The following ITSN2 variants were observed in gnomAD, a reference collection of about 807,000 sequenced individuals.
ITSN2 encodes intersectin 2.
In ITSN2, 156 loss-of-function variants were observed where a neutral mutation model predicts 243.7. The observed-to-expected ratio is 0.64, with a 90% CI of 0.56 to 0.73. The LOEUF (loss-of-function observed/expected upper bound fraction) is 0.73. ITSN2 is among the 30% of genes least tolerant of loss of function. The probability of loss-of-function intolerance (pLI) is 0.00; values close to 1 mark genes in which losing one functional copy is unlikely to be tolerated. For missense variants in ITSN2, 1,801 were observed against 1,996.1 expected (o/e 0.90, Z 1.86); for synonymous variants, 703 against 699.9 (o/e 1.00, Z -0.07).
Position 24,216,160 on chromosome 2 carries a change from A to T in ITSN2, c.3879T>A (p.Ala1293=). ...PVQMIGDILA[A]ELSHMQAYIR... ...TGTAAGCCTGCATGTGGGACAGCTCAGCGGCCAGGATGTCCCCAATCATCT... is the reference window on the plus strand; with the variant it reads ...TGTAAGCCTGCATGTGGGACAGCTCTGCGGCCAGGATGTCCCCAATCATCT... Residue 1293 remains alanine, a synonymous_variant, in exon 32 of 40, where the codon GCT becomes GCA. Transcript: ENST00000355123. 6.2e-7 allele frequency: 1 copy of T among 1,612,890 alleles called. No homozygotes were observed. The highest frequency in any genetic ancestry group is 1.1e-5 in the South Asian group (1 of 90,884).
chr2:24,253,457 A>T (rs1401091317), intron 24 of ITSN2, among the ~76,000 whole-genome samples: 1 of 152,224 alleles, frequency 6.6e-6, no homozygotes, highest in Admixed American at 6.5e-5. Context: ...CACTGGTGAC[A>T]TGACGTTCCC....
chr2:24,252,576 T>C, intron 24 of ITSN2, 65 bp from the exon 25 acceptor site: 1 of 1,214,374 alleles, frequency 8.2e-7, no homozygotes. Flanking sequence ...AAAAAGAAAT[T>C]AGGTTATTCT....
At chr2:24,229,975 T>A (rs1671419968) in intron 29 of ITSN2, among the ~76,000 whole-genome samples, 1 of 152,192 alleles carries the variant, frequency 6.6e-6, no homozygotes, top group Admixed American at 6.5e-5. Flanking sequence ...GGAACTTTCC[T>A]CGACATACTC....
chr2:24,235,720 T>G (rs923287520), intron 29 of ITSN2, among the ~76,000 whole-genome samples: 5 of 152,158 alleles, frequency 3.3e-5, no homozygotes, highest in African/African-American at 1.2e-4. Flanking sequence ...TAGACATATC[T>G]CCAAAGGAGG....
rs1468362051 is a variant in ITSN2, at chr2:24,225,911, T to C, written c.3578-4845A>G. Reference sequence around the variant, plus strand: ...AGGAATTCGGGTTTTATGGATAGGATACACCCCTTTGCCACTCTCTATACC... The same window carrying C: ...AGGAATTCGGGTTTTATGGATAGGACACACCCCTTTGCCACTCTCTATACC... On this transcript the variant is annotated intron_variant, in intron 29 of 39. Transcript: ENST00000355123. The surrounding 1 kb of genome is among the most constrained non-coding windows in gnomAD (Gnocchi z 4.2). 6.6e-6 allele frequency among the ~76,000 whole-genome samples: 1 copy of C among 152,220 alleles called. No individual in the cohort carries two copies. The highest frequency in any genetic ancestry group is 2.4e-5 in the African/African-American group (1 of 41,462).
chr2:24,335,585 T>C (rs927412407), intron 1 of ITSN2, among the ~76,000 whole-genome samples: 2 of 151,792 alleles, frequency 1.3e-5, no homozygotes, highest in African/African-American at 4.8e-5. Context: ...CCTCCCACCT[T>C]GGCCTCCCAA....
intron 32 of ITSN2, among the ~76,000 whole-genome samples, 198 bp from the exon 33 acceptor site, chr2:24,212,946 G>A (rs1307395834): frequency 6.6e-6 from 1 of 152,010 alleles, no homozygotes; most frequent in East Asian, 1.9e-4. Context: ...CAACATACAA[G>A]TGTAATTTTG....
In ITSN2 at chr2:24,313,476, C is replaced by T; in HGVS notation, c.172G>A (p.Val58Ile). 5 of 1,613,004 alleles carry T rather than the reference C, an allele frequency of 3.1e-6. No homozygotes were observed. The highest frequency in any genetic ancestry group is 4.2e-6 in the Non-Finnish European group (5 of 1,179,470). ...FFLQSGLPAPVLAEIWALSDL... is the reference protein window; with the variant it reads ...FFLQSGLPAPILAEIWALSDL... ...ACACTTTACCATATTTCAGCTAAAACAGGGGCCGGCAGACCTGATTGTAGG... is the reference window on the plus strand; with the variant it reads ...ACACTTTACCATATTTCAGCTAAAATAGGGGCCGGCAGACCTGATTGTAGG... Residue 58 changes from valine (V) to isoleucine (I), a missense_variant, in exon 4 of 40, where the codon GTT (valine) becomes ATT (isoleucine). Physicochemically the swap from Val to Ile is conservative, Grantham distance 29. Coordinates refer to ENST00000355123, the MANE Select transcript of ITSN2 (RefSeq NM_006277.3).
At chr2:24,300,533 C>T (rs964797458) in intron 11 of ITSN2, among the ~76,000 whole-genome samples, 5 of 152,102 alleles carry the variant, frequency 3.3e-5, no homozygotes, top group Non-Finnish European at 7.3e-5. Context: ...GCCTGGCCAA[C>T]ACGGTGAAAC....
chr2:24,313,843 A>G lies in ITSN2; in HGVS notation c.125-320T>C, dbSNP rs144674208. 4.6e-5 allele frequency among the ~76,000 whole-genome samples: 7 copies of G among 152,298 alleles called. No homozygotes were observed. The East Asian group carries it at 1.3e-3, about 29-fold the overall frequency. On this transcript the variant is annotated intron_variant, in intron 3 of 39. Coordinates refer to ENST00000355123, the MANE Select transcript of ITSN2 (RefSeq NM_006277.3). Reference sequence around the variant, plus strand: ...TTATATTTAAAAACACTATTCCCTAAAAGAGTTTCAATATAAAAAGTACCA... The same window carrying G: ...TTATATTTAAAAACACTATTCCCTAGAAGAGTTTCAATATAAAAAGTACCA...
At chr2:24,354,156 A>G (rs939669499) in intron 1 of ITSN2, among the ~76,000 whole-genome samples, 4 of 152,248 alleles carry the variant, frequency 2.6e-5, no homozygotes, top group Non-Finnish European at 4.4e-5. Flanking sequence ...CCTCATTATC[A>G]CTGATACCAT....
chr2:24,301,211 C>A lies in ITSN2; in HGVS notation c.1024G>T (p.Gly342Ter). 1 of 1,607,956 alleles carries A rather than the reference C, an allele frequency of 6.2e-7. No individual in the cohort carries two copies. Among genetic ancestry groups the A allele is most frequent in the Non-Finnish European group, 8.5e-7 (1 of 1,176,488 alleles). The change falls in exon 11 of 40, where the codon GGA becomes TGA. Residue 342 changes from glycine (G) to a stop codon, truncating the protein, a stop_gained. Coordinates refer to ENST00000355123, the MANE Select transcript of ITSN2 (RefSeq NM_006277.3). LOFTEE classifies it high-confidence loss of function. ...RGGKQIDSIN[G>*]TLPSYQKMQE... Reference sequence around the variant, plus strand: ...ATTTTCTGATATGAAGGCAGAGTTCCATTAATGGAATCAATTTGCTTTCCT... The same window carrying A: ...ATTTTCTGATATGAAGGCAGAGTTCAATTAATGGAATCAATTTGCTTTCCT...
intron 2 of ITSN2, among the ~76,000 whole-genome samples, chr2:24,321,396 A>G (rs1684565039): frequency 1.3e-5 from 2 of 152,360 alleles, no homozygotes; most frequent in South Asian, 2.1e-4. Context: ...AGGAACGTAT[A>G]TCATTGAAAA....
chr2:24,206,364 GC>G (rs1330963146), intron 37 of ITSN2: 8 of 349,738 alleles, frequency 2.3e-5, no homozygotes, highest in Non-Finnish European at 4.0e-5. Flanking sequence ...GCATGGGGGG[GC>G]CCGGCGGGAA....
At chr2:24,238,171 G>A (rs1437171806) in intron 29 of ITSN2, among the ~76,000 whole-genome samples, 1 of 152,082 alleles carries the variant, frequency 6.6e-6, no homozygotes, top group Non-Finnish European at 1.5e-5. Context: ...TAGTCCTTAA[G>A]TGCCTGGCAA....
chr2:24,259,615 T>A (rs1675545200), intron 22 of ITSN2, among the ~76,000 whole-genome samples: 3 of 152,242 alleles, frequency 2.0e-5, no homozygotes, highest in Admixed American at 2.0e-4. Context: ...AGCCATATTA[T>A]TAACAATGCT....
intron 9 of ITSN2, 134 bp downstream of exon 9, chr2:24,303,665 A>G (rs1682095423): frequency 1.5e-6 from 1 of 653,570 alleles, no homozygotes; most frequent in Admixed American, 2.6e-5. Flanking sequence ...TAACTTTCAA[A>G]TGGCTGCTTT....
intron 1 of ITSN2, among the ~76,000 whole-genome samples, chr2:24,351,989 A>G (rs1688061703): frequency 6.6e-6 from 1 of 152,184 alleles, no homozygotes; most frequent in Admixed American, 6.5e-5. Flanking sequence ...AGTAAGAACA[A>G]GTCTTATATC....
At chr2:24,245,096 C>T (rs1673177947) in intron 29 of ITSN2, among the ~76,000 whole-genome samples, 1 of 152,078 alleles carries the variant, frequency 6.6e-6, no homozygotes, top group Admixed American at 6.6e-5. Flanking sequence ...ACAATCATTT[C>T]ATAAAGGTAA....
Sources: gnomAD v4.1 joint callset for allele counts (sites outside exome capture counted in the v4.1 genomes callset) on GRCh38, gnomAD v4.1.1 for gene constraint, Gnocchi (gnomAD v3.1) non-coding constraint, MANE v1.5 for transcripts, NCBI Gene and HGNC (gene_info 2026-07-23, HGNC 2026-07-21) for gene names.